The following CSMD1 variants were observed in gnomAD, a reference collection of about 807,000 sequenced individuals.
CSMD1 encodes the protein CUB and sushi domain-containing protein 1.
CSMD1 carries 213 observed loss-of-function variants against 417.5 expected under a neutral mutation model. That is an observed-to-expected ratio of 0.51 (90% CI 0.46 to 0.57). The LOEUF is 0.57. CSMD1 is among the 20% of genes least tolerant of loss of function. CSMD1 has a pLI of 0.00. For synonymous variants in CSMD1, 2,862 were observed against 1,736.8 expected, an observed-to-expected ratio of 1.65 and a Z score of -16.11; for missense variants, 6,923 against 4,529.7, an observed-to-expected ratio of 1.53 and a Z score of -15.17.
intron 12 of CSMD1, among the ~76,000 whole-genome samples, chr8:3,465,876 C>G (rs953487131): frequency 1.3e-5 from 2 of 152,082 alleles, no homozygotes; most frequent in Non-Finnish European, 2.9e-5. Context: ...TGAGAGGGCA[C>G]ACACTGAAAA....
chr8:3,940,883 C>G (rs1439984811), intron 5 of CSMD1, among the ~76,000 whole-genome samples: 1 of 45,438 alleles, frequency 2.2e-5, no homozygotes, highest in Non-Finnish European at 4.3e-5. Context: ...TATGCCATCT[C>G]CCTTCTCCCC....
Position 3,260,602 on chromosome 8 carries a change from G to C in CSMD1, c.4153+23542C>G, listed in dbSNP as rs371718914. Among the ~76,000 whole-genome samples, 5 of 151,070 alleles carry C rather than the reference G, an allele frequency of 3.3e-5. No homozygotes were observed. In the East Asian group the frequency reaches 9.9e-4, roughly 30 times the overall value. ...GAACAAACCCCCCTCGAAGAGCAGAGGCTGAGGATGGCTCCAGTGCTTAGG... is the reference window on the plus strand; with the variant it reads ...GAACAAACCCCCCTCGAAGAGCAGACGCTGAGGATGGCTCCAGTGCTTAGG... On this transcript the variant is annotated intron_variant, in intron 26 of 69. Transcript: ENST00000635120.
At chr8:4,870,799 A>C (rs867010523) in intron 1 of CSMD1, among the ~76,000 whole-genome samples, 4 of 152,110 alleles carry the variant, frequency 2.6e-5, no homozygotes, top group African/African-American at 9.7e-5. Context: ...AATGCCACCG[A>C]GGAAGAAAGA....
intron 3 of CSMD1, among the ~76,000 whole-genome samples, chr8:4,222,135 G>C (rs1208310662): frequency 1.3e-5 from 2 of 151,624 alleles, no homozygotes; most frequent in Non-Finnish European, 2.9e-5. Flanking sequence ...AAGTAGAAGA[G>C]AACCTTCACA....
intron 8 of CSMD1, among the ~76,000 whole-genome samples, chr8:3,590,501 A>T (rs761943265): frequency 6.6e-6 from 1 of 152,270 alleles, no homozygotes; most frequent in Non-Finnish European, 1.5e-5. Context: ...AGCTTCCACA[A>T]TCATCACCTG....
chr8:3,818,816 C>T (rs958092177), intron 5 of CSMD1, among the ~76,000 whole-genome samples: 1 of 152,172 alleles, frequency 6.6e-6, no homozygotes, highest in South Asian at 2.1e-4. Flanking sequence ...CCCTTTGAGT[C>T]GCTGTTTAAC....
chr8:4,796,244 C>A (rs1797973637), intron 1 of CSMD1, among the ~76,000 whole-genome samples: 1 of 151,808 alleles, frequency 6.6e-6, no homozygotes, highest in Admixed American at 6.6e-5. Flanking sequence ...GAAAATGCCT[C>A]CTTTGCTGTG....
At chr8:4,408,626 C>A (rs946424118) in intron 3 of CSMD1, among the ~76,000 whole-genome samples, 5 of 152,286 alleles carry the variant, frequency 3.3e-5, no homozygotes, top group African/African-American at 7.2e-5. Context: ...GGAAAATGTA[C>A]TCTATATGAC....
At chr8:3,267,451 C>T (rs995278437) in intron 26 of CSMD1, among the ~76,000 whole-genome samples, 2 of 152,156 alleles carry the variant, frequency 1.3e-5, no homozygotes, top group Admixed American at 6.5e-5. Context: ...TGGTTGGTGG[C>T]CGTGCATGTA....
chr8:3,162,129 GT>G, intron 38 of CSMD1, 29 bp downstream of exon 38: 1 of 1,377,900 alleles, frequency 7.3e-7, no homozygotes, highest in Non-Finnish European at 1.0e-6. Context: ...CCATGTGTAT[GT>G]TATTCCTGAG....
At chr8:4,042,320 G>T (rs557151003) in intron 3 of CSMD1, among the ~76,000 whole-genome samples, 1 of 152,234 alleles carries the variant, frequency 6.6e-6, no homozygotes, top group South Asian at 2.1e-4. Context: ...TGTGTAGAGA[G>T]ACAAAGATAA....
At chr8:4,053,950 C>T (rs1798563850) in intron 3 of CSMD1, among the ~76,000 whole-genome samples, 2 of 152,102 alleles carry the variant, frequency 1.3e-5, no homozygotes, top group African/African-American at 4.8e-5. Flanking sequence ...TCTGTGCATT[C>T]TTTATTACCG....
At position 4,815,776 on chromosome 8, in the gene CSMD1, T is replaced by G. The variant is rs149320762; in HGVS notation, c.86-178218A>C. On this transcript the variant is annotated intron_variant, in intron 1 of 69. Coordinates refer to ENST00000635120, the MANE Select transcript of CSMD1 (RefSeq NM_033225.6). Reference sequence around the variant, plus strand: ...AGGAGTTTATATAATAAACACATTTTACAGATATTAGTAATTTATCTTATA... The same window carrying G: ...AGGAGTTTATATAATAAACACATTTGACAGATATTAGTAATTTATCTTATA... Among the ~76,000 whole-genome samples the G allele has an allele frequency of 3.7e-3, 562 of 151,928 alleles. 4 individuals are homozygous for G. The highest frequency in any genetic ancestry group is 0.012 in the African/African-American group (512 of 41,426).
At chr8:3,803,793 T>C (rs1390701124) in intron 5 of CSMD1, among the ~76,000 whole-genome samples, 1 of 152,186 alleles carries the variant, frequency 6.6e-6, no homozygotes, top group Admixed American at 6.5e-5. Context: ...AAAATATCTT[T>C]CTGCCTACTA....
At chr8:4,984,630 G>T (rs1039150059) in intron 1 of CSMD1, among the ~76,000 whole-genome samples, 1 of 152,086 alleles carries the variant, frequency 6.6e-6, no homozygotes, top group Non-Finnish European at 1.5e-5. Context: ...ATAGATTAGG[G>T]TAGTCATAGC....
chr8:3,855,604 G>C (rs1406918660), intron 5 of CSMD1, among the ~76,000 whole-genome samples: 1 of 152,148 alleles, frequency 6.6e-6, no homozygotes, highest in African/African-American at 2.4e-5. Flanking sequence ...CCAGATGACT[G>C]AGTATGCTAA....
In CSMD1 at chr8:3,985,636, G is replaced by A. The variant is rs150335189; in HGVS notation, c.818+12267C>T. Among the ~76,000 whole-genome samples the A allele has an allele frequency of 2.2e-3, 340 of 152,204 alleles. 2 individuals carry two copies. Among genetic ancestry groups the A allele is most frequent in the African/African-American group, 6.7e-3 (278 of 41,540 alleles). On this transcript the variant is annotated intron_variant, in intron 5 of 69. Transcript: ENST00000635120. ...AGGAAGATCCTTGCACGGCAGAACC[G>A]TTGCACTCACAGAAGCTTGCTAGGT...
intron 3 of CSMD1, among the ~76,000 whole-genome samples, chr8:4,296,614 AG>A (rs1797698252): frequency 7.8e-5 from 1 of 12,880 alleles, no homozygotes; most frequent in Non-Finnish European, 7.2e-3. Context: ...ATTTTATAAT[AG>A]TTTGTTATTT....
intron 1 of CSMD1, chr8:4,788,103 C>G: frequency 6.2e-7 from 1 of 1,602,850 alleles, no homozygotes; most frequent in Non-Finnish European, 8.5e-7. Flanking sequence ...ATCAGAAAGT[C>G]AGTGCAGGGT....
Sources: gnomAD v4.1 joint callset for allele counts (sites outside exome capture counted in the v4.1 genomes callset) on GRCh38, gnomAD v4.1.1 for gene constraint, MANE v1.5 for transcripts, NCBI Gene and HGNC (gene_info 2026-07-23, HGNC 2026-07-21) for gene names.